The following PLEKHA7 variants were observed in gnomAD, a reference collection of about 807,000 sequenced individuals.
The protein encoded by PLEKHA7 is pleckstrin homology domain containing A7, also known as pleckstrin homology domain-containing family A member 7.
PLEKHA7 carries 104 observed loss-of-function variants against 170.0 expected under a neutral mutation model. That is an observed-to-expected ratio of 0.61 (90% confidence interval 0.52 to 0.72). The LOEUF (loss-of-function observed/expected upper bound fraction) is 0.72, where lower values mean the gene tolerates loss of function less well. Ranked by LOEUF, PLEKHA7 falls within the 30% of genes least tolerant of loss-of-function variation. The pLI is 0.00. For synonymous variants in PLEKHA7, 648 were observed against 660.8 expected (o/e 0.98, Z 0.30); for missense variants, 1,615 against 1,671.7 (o/e 0.97, Z 0.59).
At chr11:16,870,870 C>T (rs1047968857) in intron 4 of PLEKHA7, among the ~76,000 whole-genome samples, 1 of 152,064 alleles carries the variant, frequency 6.6e-6, no homozygotes, top group African/African-American at 2.4e-5. Context: ...TCTGACAATA[C>T]CCATCATAGC....
At chr11:16,886,884 A>G (rs1208787885) in intron 3 of PLEKHA7, among the ~76,000 whole-genome samples, 1 of 152,186 alleles carries the variant, frequency 6.6e-6, no homozygotes, top group Non-Finnish European at 1.5e-5. Flanking sequence ...AAAGGCAAGT[A>G]ATCAATAAGA....
chr11:17,013,617 C>T (rs10832722), intron 3 of PLEKHA7, among the ~76,000 whole-genome samples: 35,288 of 152,226 alleles, frequency 0.23, 5,146 homozygotes, highest in East Asian at 0.38. Flanking sequence ...CGTTCTACTC[C>T]TCCCACCCGA....
chr11:16,966,161 C>G (rs113402039), intron 3 of PLEKHA7, among the ~76,000 whole-genome samples: 2 of 151,918 alleles, frequency 1.3e-5, no homozygotes, highest in African/African-American at 4.8e-5. Context: ...CCAGCCTGGG[C>G]GACAGAGCAA....
At chr11:16,845,645 G>A (rs1371953111) in intron 8 of PLEKHA7, among the ~76,000 whole-genome samples, 1 of 152,178 alleles carries the variant, frequency 6.6e-6, no homozygotes, top group African/African-American at 2.4e-5. Flanking sequence ...GAAATTACAG[G>A]CATGAGCCAC....
Position 16,782,908 on chromosome 11 carries a change from T to C in PLEKHA7, c.3651-12A>G. 1 of 1,535,272 alleles carries C rather than the reference T, an allele frequency of 6.5e-7. No individual in the cohort carries two copies. Among genetic ancestry groups the C allele is most frequent in the Non-Finnish European group, 8.7e-7 (1 of 1,146,308 alleles). On this transcript the variant is annotated splice_polypyrimidine_tract_variant and intron_variant, in intron 25 of 26. Coordinates refer to ENST00000531066, the MANE Select transcript of PLEKHA7 (RefSeq NM_001329630.2). ...GTAGGTTGCACATGCTGTAGGAGGGTCGGAAGCAGACCATGGGCCCTCCTG... is the reference window on the plus strand; with the variant it reads ...GTAGGTTGCACATGCTGTAGGAGGGCCGGAAGCAGACCATGGGCCCTCCTG...
At chr11:16,965,835 G>T (rs926481476) in intron 3 of PLEKHA7, among the ~76,000 whole-genome samples, 6 of 152,196 alleles carry the variant, frequency 3.9e-5, no homozygotes, top group African/African-American at 1.4e-4. Flanking sequence ...AGAGAGTCCA[G>T]ATAAAAGCAC....
chr11:16,835,362 C>A (rs944979601), intron 9 of PLEKHA7, among the ~76,000 whole-genome samples: 1 of 152,134 alleles, frequency 6.6e-6, no homozygotes, highest in African/African-American at 2.4e-5. Flanking sequence ...GAGCTGAAGA[C>A]AAATAGGACT....
intron 3 of PLEKHA7, among the ~76,000 whole-genome samples, chr11:16,892,543 T>G (rs1856722041): frequency 6.6e-6 from 1 of 150,840 alleles, no homozygotes; most frequent in Non-Finnish European, 1.5e-5. Flanking sequence ...CCCTACTGGC[T>G]CAAGTGATCC....
intron 3 of PLEKHA7, among the ~76,000 whole-genome samples, chr11:16,947,006 G>C (rs1385208948): frequency 6.6e-6 from 1 of 152,138 alleles, no homozygotes; most frequent in Non-Finnish European, 1.5e-5. Context: ...CCAAAACGCA[G>C]CTGCGCCAGC....
At chr11:16,844,331 T>C (rs746015747) in intron 8 of PLEKHA7, among the ~76,000 whole-genome samples, 1 of 152,208 alleles carries the variant, frequency 6.6e-6, no homozygotes, top group Non-Finnish European at 1.5e-5. Context: ...CCCTGGTCAC[T>C]AATCAAACCA....
At chr11:16,998,304 AAAAC>A (rs907837192) in intron 3 of PLEKHA7, among the ~76,000 whole-genome samples, 8 of 152,244 alleles carry the variant, frequency 5.3e-5, no homozygotes, top group South Asian at 2.1e-4. Flanking sequence ...CTTCAGGAAA[AAAAC>A]AAACAAACAA....
intron 26 of PLEKHA7, 47 bp downstream of exon 26, chr11:16,782,707 T>G (rs1849126419): frequency 1.3e-6 from 2 of 1,530,834 alleles, no homozygotes; most frequent in Non-Finnish European, 1.7e-6. Flanking sequence ...AGCCCACAGG[T>G]GCAGTGGGGC....
intron 4 of PLEKHA7, among the ~76,000 whole-genome samples, chr11:16,868,609 G>A (rs1399179848): frequency 6.6e-6 from 1 of 152,182 alleles, no homozygotes; most frequent in Non-Finnish European, 1.5e-5. Context: ...ATGTATAAGT[G>A]CAGGAATCCT....
chr11:16,789,111 A>T lies in PLEKHA7; in HGVS notation c.3342T>A (p.Pro1114=). 1 of 1,604,654 alleles carries T rather than the reference A, an allele frequency of 6.2e-7. No individual in the cohort carries two copies. The highest frequency in any genetic ancestry group is 8.5e-7 in the Non-Finnish European group (1 of 1,179,950). ...CCTAACATACTGAGCCAAGATCTCCAGGGAGCGGCCGGCTGAGGTAGCGAG... is the reference window on the plus strand; with the variant it reads ...CCTAACATACTGAGCCAAGATCTCCTGGGAGCGGCCGGCTGAGGTAGCGAG... The part of the protein sequence containing the change: ...PSSRYLSRPL[P]GDLGSWKREQ... The change falls in exon 23 of 27, where the codon CCT becomes CCA. Residue 1114 remains proline (P), a synonymous_variant. Transcript: ENST00000531066. The surrounding 1 kb of genome is among the most constrained non-coding windows in gnomAD (Gnocchi z 4.6).
chr11:16,895,844 T>A (rs940675131), intron 3 of PLEKHA7, among the ~76,000 whole-genome samples: 1 of 152,220 alleles, frequency 6.6e-6, no homozygotes, highest in Non-Finnish European at 1.5e-5. Flanking sequence ...CTACTTCTCC[T>A]TAGCCTCATG....
chr11:16,865,637 C>T (rs1482883029), intron 4 of PLEKHA7, among the ~76,000 whole-genome samples: 1 of 151,264 alleles, frequency 6.6e-6, no homozygotes, highest in Non-Finnish European at 1.5e-5. Context: ...GTAGAGGTTG[C>T]AATGACCCAA....
chr11:16,913,409 C>G (rs756686027), intron 3 of PLEKHA7, among the ~76,000 whole-genome samples: 16 of 152,162 alleles, frequency 1.1e-4, no homozygotes, highest in Non-Finnish European at 1.6e-4. Flanking sequence ...TTATCAGCAG[C>G]AACTCGATGC....
At chr11:16,941,332 A>G (rs540834981) in intron 3 of PLEKHA7, among the ~76,000 whole-genome samples, 1 of 152,292 alleles carries the variant, frequency 6.6e-6, no homozygotes, top group East Asian at 1.9e-4. Flanking sequence ...TGAGAGACTC[A>G]TTATCTATCT....
chr11:16,967,665 T>G (rs1862456500), intron 3 of PLEKHA7, among the ~76,000 whole-genome samples: 1 of 152,000 alleles, frequency 6.6e-6, no homozygotes, highest in Non-Finnish European at 1.5e-5. Flanking sequence ...CTGCTTTGCC[T>G]CCCTCCAATC....
Sources: allele counts gnomAD v4.1 joint callset (sites outside exome capture counted in the v4.1 genomes callset), GRCh38; gene constraint gnomAD v4.1.1; non-coding constraint Gnocchi (gnomAD v3.1); transcripts MANE v1.5; gene names NCBI Gene and HGNC (gene_info 2026-07-23, HGNC 2026-07-21).